LRRN2: variants seen among roughly 807,000 people sequenced by gnomAD.
The protein encoded by LRRN2 is leucine-rich repeat neuronal protein 2.
Under a neutral mutation model 35.7 loss-of-function variants are expected in LRRN2, and 10 were observed. That is an observed-to-expected ratio of 0.28 (90% confidence interval 0.17 to 0.47). LRRN2 has a LOEUF of 0.47. Ranked by LOEUF, LRRN2 falls within the 20% of genes least tolerant of loss-of-function variation. The pLI is 0.99. For missense variants in LRRN2, 731 were observed against 940.3 expected, an observed-to-expected ratio of 0.78 and a Z score of 2.91; for synonymous variants, 391 against 409.6, an observed-to-expected ratio of 0.95 and a Z score of 0.55.
intron 1 of LRRN2, among the ~76,000 whole-genome samples, chr1:204,674,604 A>C (rs1456653286): frequency 1.3e-5 from 2 of 152,160 alleles, no homozygotes; most frequent in African/African-American, 4.8e-5. Flanking sequence ...GGTCCTGCCC[A>C]CCTGCAGCTT....
intron 1 of LRRN2, among the ~76,000 whole-genome samples, chr1:204,633,422 A>G (rs1667758137): frequency 6.6e-6 from 1 of 152,186 alleles, no homozygotes; most frequent in Non-Finnish European, 1.5e-5. Context: ...TCACACCTAA[A>G]CAAGTAATGA....
intron 1 of LRRN2, among the ~76,000 whole-genome samples, chr1:204,670,918 G>A (rs1668696341): frequency 6.6e-6 from 1 of 152,212 alleles, no homozygotes; most frequent in Admixed American, 6.5e-5. Flanking sequence ...GGCTTGTACG[G>A]AGAAGAGAGA....
chr1:204,642,532 A>AGGGAGGGAT (rs58959706), intron 1 of LRRN2, among the ~76,000 whole-genome samples: 2 of 151,306 alleles, frequency 1.3e-5, no homozygotes, highest in Admixed American at 6.6e-5. Flanking sequence ...AGGGTAGGCA[A>AGGGAGGGAT]AAAGGTGCCA....
chr1:204,649,031 T>A (rs1444011587), intron 1 of LRRN2, among the ~76,000 whole-genome samples: 2 of 152,190 alleles, frequency 1.3e-5, no homozygotes, highest in Non-Finnish European at 2.9e-5. Context: ...AGACCCTGGC[T>A]TCAGAAAGTA....
chr1:204,623,449 G>A (rs1175043497), intron 1 of LRRN2, among the ~76,000 whole-genome samples: 1 of 152,182 alleles, frequency 6.6e-6, no homozygotes, highest in East Asian at 1.9e-4. Flanking sequence ...GCTGGGCCTC[G>A]GGATCCAGAG....
At chr1:204,663,786 A>C (rs1571675141) in intron 1 of LRRN2, 1 of 151,932 alleles carries the variant, frequency 6.6e-6, no homozygotes, top group African/African-American at 2.4e-5. Flanking sequence ...GAGAGGCAGG[A>C]TGCAGTCCTC....
intron 1 of LRRN2, among the ~76,000 whole-genome samples, chr1:204,676,183 T>C (rs925853243): frequency 6.7e-6 from 1 of 150,022 alleles, no homozygotes; most frequent in African/African-American, 2.5e-5. Flanking sequence ...TACCCACCCA[T>C]GCACACTTTA....
intron 1 of LRRN2, among the ~76,000 whole-genome samples, chr1:204,674,471 G>A (rs927583876): frequency 6.6e-6 from 1 of 152,186 alleles, no homozygotes; most frequent in Admixed American, 6.5e-5. Flanking sequence ...GCTCAGGTGT[G>A]TTTCAGGGAG....
intron 1 of LRRN2, among the ~76,000 whole-genome samples, chr1:204,646,303 T>C (rs1165915727): frequency 2.0e-5 from 3 of 152,158 alleles, no homozygotes; most frequent in African/African-American, 7.2e-5. Context: ...TTTATTTCCA[T>C]GCTTTCTTGG....
At position 204,620,030 on chromosome 1, in the gene LRRN2, G is replaced by T; in HGVS notation, c.-38C>A. On this transcript the variant is annotated 5_prime_UTR_variant, in exon 2 of 2. Transcript: ENST00000367177. ...GGGCAGGGGACCATTCACAAGAAGA[G>T]TCTGGAGTCCTGCTCTTTGTGTTTT... The T allele has an allele frequency of 6.3e-7, 1 of 1,576,154 alleles. No homozygotes were observed. Among genetic ancestry groups the T allele is most frequent in the Non-Finnish European group, 8.6e-7 (1 of 1,161,954 alleles).
intron 1 of LRRN2, among the ~76,000 whole-genome samples, chr1:204,665,475 G>A (rs1168425109): frequency 6.6e-6 from 1 of 152,180 alleles, no homozygotes; most frequent in Non-Finnish European, 1.5e-5. Flanking sequence ...GACATCATTA[G>A]TAGTTGCTTG....
At chr1:204,673,000 C>T (rs190314757) in intron 1 of LRRN2, among the ~76,000 whole-genome samples, 5 of 152,292 alleles carry the variant, frequency 3.3e-5, no homozygotes, top group South Asian at 2.1e-4. Flanking sequence ...CAGAGATCCA[C>T]GTAAGATCCA....
intron 1 of LRRN2, among the ~76,000 whole-genome samples, chr1:204,660,657 A>AG (rs1668453658): frequency 6.6e-6 from 1 of 151,468 alleles, no homozygotes; most frequent in African/African-American, 2.4e-5. Context: ...CGTGTGAAGG[A>AG]GGTGGTGTTT....
chr1:204,645,588 T>C (rs970126401), intron 1 of LRRN2, among the ~76,000 whole-genome samples: 4 of 152,200 alleles, frequency 2.6e-5, no homozygotes, highest in Non-Finnish European at 5.9e-5. Context: ...CATGTACTGA[T>C]AAGGAAACTT....
intron 1 of LRRN2, chr1:204,620,988 G>GGGCT: frequency 6.0e-6 from 1 of 167,058 alleles, no homozygotes. Context: ...AATCTGGGAT[G>GGGCT]GGCTCCCCAG....
chr1:204,633,668 T>A (rs1269475109), intron 1 of LRRN2, among the ~76,000 whole-genome samples: 1 of 152,200 alleles, frequency 6.6e-6, no homozygotes, highest in African/African-American at 2.4e-5. Context: ...ATTCAGTTGG[T>A]AAAGCCAGGA....
At chr1:204,668,421 C>T in intron 1 of LRRN2, among the ~76,000 whole-genome samples, 1 of 152,094 alleles carries the variant, frequency 6.6e-6, no homozygotes, top group African/African-American at 2.4e-5. Context: ...ATGGTGAAAC[C>T]CCATCTCTAC....
chr1:204,682,572 G>A (rs948485085), intron 1 of LRRN2, among the ~76,000 whole-genome samples: 2 of 152,194 alleles, frequency 1.3e-5, no homozygotes, highest in African/African-American at 4.8e-5. Flanking sequence ...GGAAACAGGG[G>A]ATGGTAATGC....
intron 1 of LRRN2, among the ~76,000 whole-genome samples, chr1:204,622,383 C>A (rs1031619419): frequency 6.6e-6 from 1 of 152,234 alleles, no homozygotes; most frequent in African/African-American, 2.4e-5. Flanking sequence ...GTCCCGTTCC[C>A]TGAGCAGGAA....
Sources: allele counts gnomAD v4.1 joint callset (sites outside exome capture counted in the v4.1 genomes callset), GRCh38; gene constraint gnomAD v4.1.1; transcripts MANE v1.5; gene names NCBI Gene and HGNC (gene_info 2026-07-23, HGNC 2026-07-21).